The following PRUNE1 variants were observed in gnomAD, a reference collection of about 807,000 sequenced individuals.
PRUNE1 encodes the protein exopolyphosphatase PRUNE1.
In PRUNE1, 25 loss-of-function variants were observed where a neutral mutation model predicts 42.5. The ratio of observed to expected loss-of-function variants is 0.59; its 90% CI spans 0.43 to 0.82. The LOEUF (loss-of-function observed/expected upper bound fraction) is 0.82, where lower values mean the gene tolerates loss of function less well. PRUNE1 is among the 40% of genes least tolerant of loss of function. The probability of loss-of-function intolerance (pLI) is 0.00; values close to 1 mark genes in which losing one functional copy is unlikely to be tolerated. For missense variants in PRUNE1, 443 were observed against 539.3 expected (o/e 0.82, Z 1.77); for synonymous variants, 203 against 217.1 (o/e 0.93, Z 0.57).
Position 151,008,535 on chromosome 1 carries a change from C to T in PRUNE1, c.-98C>T. On this transcript the variant is annotated 5_prime_UTR_variant, in exon 1 of 8. Transcript: ENST00000271620. ...CCGCCTCCTGACTCTGGCCTCTAGT[C>T]CCTGAGTCCCGGGCGGGCTGCATTC... 4.1e-6 allele frequency: 6 copies of T among 1,474,298 alleles called. No homozygotes were observed. The highest frequency in any genetic ancestry group is 5.7e-6 in the Non-Finnish European group (6 of 1,053,452). 91.3% of individuals were successfully genotyped at this position (1,474,298 alleles called of 1,614,324 possible). A position where few individuals can be genotyped will look rare whatever the true frequency, so the allele number is the denominator to read the frequency against.
intron 5 of PRUNE1, among the ~76,000 whole-genome samples, 167 bp from the exon 6 acceptor site, chr1:151,027,066 C>G (rs1194373531): frequency 6.6e-6 from 1 of 151,818 alleles, no homozygotes; most frequent in African/African-American, 2.4e-5. Flanking sequence ...GATTACAGGC[C>G]TGAGTCACCG....
chr1:151,028,900 C>T lies in PRUNE1; in HGVS notation c.889C>T (p.Arg297Trp), dbSNP rs752599948. 4.3e-6 allele frequency: 7 copies of T among 1,613,684 alleles called. No homozygotes were observed. The highest frequency in any genetic ancestry group is 2.2e-5 in the South Asian group (2 of 91,062). The change falls in exon 7 of 8, where the codon CGG (arginine) becomes TGG (tryptophan). Residue 297 changes from arginine to tryptophan, a missense_variant. Physicochemically the swap from Arg to Trp is moderately radical, Grantham distance 101. Transcript: ENST00000271620. The stretch of plus-strand genomic sequence containing the variant: ...TTTCAACACTCACAATGAGCCAGTG[C>T]GGCAGTTGGCTATTTTCTGTCCCCA... ...IFFNTHNEPV[R>W]QLAIFCPHVA...
intron 7 of PRUNE1, among the ~76,000 whole-genome samples, chr1:151,031,161 T>G (rs1675217353): frequency 6.6e-6 from 1 of 151,150 alleles, no homozygotes; most frequent in Non-Finnish European, 1.5e-5. Flanking sequence ...AGTCCTTCTC[T>G]CTCTGTTTTG....
chr1:151,023,742 T>G (rs1448259639), intron 3 of PRUNE1, among the ~76,000 whole-genome samples: 1 of 146,876 alleles, frequency 6.8e-6, no homozygotes, highest in Non-Finnish European at 1.5e-5. Context: ...AAAGGAGAAA[T>G]TTAGATGTTG....
intron 3 of PRUNE1, among the ~76,000 whole-genome samples, chr1:151,019,514 C>T (rs587658105): frequency 2.7e-5 from 4 of 149,296 alleles, no homozygotes; most frequent in Admixed American, 6.7e-5. Context: ...CAAGATCACA[C>T]CACTCCACTC....
chr1:151,017,442 G>A (rs1318580898), intron 1 of PRUNE1, among the ~76,000 whole-genome samples: 3 of 152,104 alleles, frequency 2.0e-5, no homozygotes, highest in African/African-American at 7.2e-5. Flanking sequence ...AGTGTGTGAA[G>A]CCCTACATGA....
chr1:151,022,789 A>G (rs1403834410), intron 3 of PRUNE1: 3 of 152,058 alleles, frequency 2.0e-5, no homozygotes, highest in Non-Finnish European at 4.4e-5. Flanking sequence ...ATCCTTGCTC[A>G]GCGGCCATGC....
intron 1 of PRUNE1, among the ~76,000 whole-genome samples, chr1:151,011,161 C>T (rs1459307682): frequency 6.6e-6 from 1 of 152,092 alleles, no homozygotes; most frequent in Admixed American, 6.5e-5. Context: ...TTCTGTTAAA[C>T]TACAGTTTAA....
chr1:151,024,588 T>A, intron 3 of PRUNE1, 23 bp from the exon 4 acceptor site: 1 of 1,577,278 alleles, frequency 6.3e-7, no homozygotes, highest in Non-Finnish European at 8.7e-7. Context: ...TCTTCCTCTT[T>A]TCCCATACCC....
intron 1 of PRUNE1, among the ~76,000 whole-genome samples, chr1:151,014,232 G>A (rs1673958415): frequency 6.6e-6 from 1 of 152,176 alleles, no homozygotes; most frequent in Non-Finnish European, 1.5e-5. Context: ...GTCCGCCTCG[G>A]CCTCCCAAAG....
Position 151,031,171 on chromosome 1 carries a change from G to T in PRUNE1, c.933+2227G>T, listed in dbSNP as rs370071354. 6.9e-3 allele frequency among the ~76,000 whole-genome samples: 988 copies of T among 142,586 alleles called. 19 individuals are homozygous for T. Among genetic ancestry groups the T allele is most frequent in the African/African-American group, 0.025 (949 of 37,626 alleles). The allele number at this position is 142,586 out of a possible 152,430, so 93.5% of individuals were successfully genotyped here. ...ACAGGAGTCCTTCTCTCTCTGTTTT[G>T]TTTTTGTGTGTGTGTGTGTGTGTTT... On this transcript the variant is annotated intron_variant, in intron 7 of 7. Transcript: ENST00000271620.
chr1:151,028,982 A>G (rs1008822095), intron 7 of PRUNE1, 38 bp downstream of exon 7: 1 of 1,574,064 alleles, frequency 6.4e-7, no homozygotes, highest in Admixed American at 1.7e-5. Context: ...AGAGCCTTAC[A>G]GAGTCTGCCT....
chr1:151,015,332 GA>G (rs587767612), intron 1 of PRUNE1, among the ~76,000 whole-genome samples: 1,926 of 56,420 alleles, frequency 0.034, 34 homozygotes, highest in African/African-American at 0.087. Flanking sequence ...GACTCCATCT[GA>G]AAAAAAAAAA....
Position 151,025,660 on chromosome 1 carries a change from G to C in PRUNE1, c.666G>C (p.Lys222Asn). ...NDIFDSLQKA[K>N]FDVSGLTTEQ... ...TATTTGATTCCCTACAAAAGGCAAA[G>C]TTTGATGTATCAGGTATGAAATGTT... is the stretch of plus-strand genomic sequence containing the variant. Residue 222 changes from lysine (K) to asparagine (N), a missense_variant, in exon 5 of 8, where the codon AAG (lysine) becomes AAC (asparagine). Physicochemically the swap from Lys to Asn is moderately conservative, Grantham distance 94. Coordinates refer to ENST00000271620, the MANE Select transcript of PRUNE1 (RefSeq NM_021222.3). The C allele has an allele frequency of 6.2e-7, 1 of 1,613,214 alleles. No individual in the cohort carries two copies. Among genetic ancestry groups the C allele is most frequent in the Non-Finnish European group, 8.5e-7 (1 of 1,179,598 alleles).
Position 151,008,504 on chromosome 1 carries a change from C to G in PRUNE1, c.-129C>G. ...AGGCCGATTCGCCGTGTGGCGGGTT[C>G]GAGTCCCGCCTCCTGACTCTGGCCT... On this transcript the variant is annotated 5_prime_UTR_variant, in exon 1 of 8. Coordinates refer to ENST00000271620, the MANE Select transcript of PRUNE1 (RefSeq NM_021222.3). 1 of 1,303,200 alleles carries G rather than the reference C, an allele frequency of 7.7e-7. No homozygotes were observed. Among genetic ancestry groups the G allele is most frequent in the East Asian group, 2.3e-5 (1 of 43,150 alleles). 80.7% of individuals were successfully genotyped at this position (1,303,200 alleles called of 1,614,324 possible).
At chr1:151,025,445 T>A in intron 4 of PRUNE1, 70 bp from the exon 5 acceptor site, 1 of 1,464,972 alleles carries the variant, frequency 6.8e-7, no homozygotes. Context: ...GGTGTGAAGG[T>A]TATATATGTT....
intron 7 of PRUNE1, among the ~76,000 whole-genome samples, chr1:151,032,449 C>T (rs1675293908): frequency 6.6e-6 from 1 of 151,796 alleles, no homozygotes; most frequent in Non-Finnish European, 1.5e-5. Flanking sequence ...TGGTGGCTCA[C>T]ACCTGTAATC....
chr1:151,027,656 A>G (rs1423866268), intron 6 of PRUNE1, among the ~76,000 whole-genome samples: 1 of 145,406 alleles, frequency 6.9e-6, no homozygotes, highest in Non-Finnish European at 1.5e-5. Context: ...ATCATGGCTC[A>G]CTGCAGCCTC....
Position 151,008,632 on chromosome 1 carries a change from C to T in PRUNE1, c.-1C>T, listed in dbSNP as rs1673500902. 4.3e-6 allele frequency: 7 copies of T among 1,614,058 alleles called. No individual in the cohort carries two copies. The highest frequency in any genetic ancestry group is 3.4e-6 in the Non-Finnish European group (4 of 1,180,034). On this transcript the variant is annotated 5_prime_UTR_variant, in exon 1 of 8. Transcript: ENST00000271620. Reference sequence around the variant, plus strand: ...GGCGACGGCGTACTTTGGGCTTCATCATGGAGGACTACCTGCAGGGTTGTC... The same window carrying T: ...GGCGACGGCGTACTTTGGGCTTCATTATGGAGGACTACCTGCAGGGTTGTC...
Sources: gnomAD v4.1 joint callset for allele counts (sites outside exome capture counted in the v4.1 genomes callset) on GRCh38, gnomAD v4.1.1 for gene constraint, MANE v1.5 for transcripts, NCBI Gene and HGNC (gene_info 2026-07-23, HGNC 2026-07-21) for gene names.